SHANK2: variants seen among roughly 807,000 people sequenced by gnomAD.
SHANK2 encodes the protein SH3 and multiple ankyrin repeat domains protein 2.
SHANK2 carries 43 observed loss-of-function variants against 133.7 expected under a neutral mutation model. The observed-to-expected ratio is 0.32, with a 90% confidence interval of 0.25 to 0.41. SHANK2 has a LOEUF of 0.41. SHANK2 is among the 10% of genes least tolerant of loss of function. SHANK2 has a pLI of 1.00. For synonymous variants in SHANK2, 1,017 were observed against 952.8 expected (o/e 1.07, Z -1.24); for missense variants, 1,994 against 2,235.8 (o/e 0.89, Z 2.18).
chr11:70,533,006 C>A (rs746734490), intron 17 of SHANK2, among the ~76,000 whole-genome samples: 22 of 152,204 alleles, frequency 1.4e-4, no homozygotes, highest in Admixed American at 1.1e-3. Context: ...AAGCACCCCA[C>A]TTTGCATGAT....
chr11:70,851,335 G>A (rs1472865212), intron 11 of SHANK2, among the ~76,000 whole-genome samples: 2 of 152,186 alleles, frequency 1.3e-5, no homozygotes, highest in Admixed American at 6.5e-5. Context: ...TCACCTGGCT[G>A]TCCACAAAGA....
At chr11:70,748,750 T>C (rs1475792294) in intron 14 of SHANK2, among the ~76,000 whole-genome samples, 1 of 152,172 alleles carries the variant, frequency 6.6e-6, no homozygotes. Flanking sequence ...TGCATCTCCA[T>C]GTGAAATGCT....
At chr11:70,665,289 C>CA (rs1317654468) in intron 15 of SHANK2, among the ~76,000 whole-genome samples, 1 of 152,120 alleles carries the variant, frequency 6.6e-6, no homozygotes, top group Non-Finnish European at 1.5e-5. Context: ...TACAGGCACA[C>CA]ACCACCATGC....
rs142747571 is a variant in SHANK2, at chr11:70,646,820, TTTTA to T, written c.2061+13004_2061+13007del. 4.7e-3 allele frequency among the ~76,000 whole-genome samples: 662 copies of T among 140,128 alleles called. 7 individuals carry two copies. The highest frequency in any genetic ancestry group is 0.018 in the African/African-American group (620 of 34,270). 91.9% of individuals were successfully genotyped at this position (140,128 alleles called of 152,430 possible). ...CTCCAGTTATTAAAAGGAATCTAACTTTTATTTATTTTATTTATTTATTTATTTA... is the reference window on the plus strand; with the variant it reads ...CTCCAGTTATTAAAAGGAATCTAACTTTTATTTTATTTATTTATTTATTTA... On this transcript the variant is annotated intron_variant, in intron 17 of 25. Transcript: ENST00000601538.
intron 15 of SHANK2, 133 bp downstream of exon 15, chr11:70,698,555 C>T (rs577783481): frequency 1.0e-4 from 70 of 689,260 alleles, no homozygotes; most frequent in East Asian, 2.7e-4. Context: ...TTCCATAGTC[C>T]TAGCCCGGTA....
At chr11:70,583,090 G>A (rs556848776) in intron 17 of SHANK2, among the ~76,000 whole-genome samples, 2 of 152,276 alleles carry the variant, frequency 1.3e-5, no homozygotes, top group Admixed American at 6.5e-5. Flanking sequence ...AATCTGCATG[G>A]TGCCTGGCCC....
At chr11:71,073,310 C>T (rs945507525) in intron 9 of SHANK2, among the ~76,000 whole-genome samples, 38 of 151,706 alleles carry the variant, frequency 2.5e-4, no homozygotes, top group Non-Finnish European at 4.3e-4. Context: ...AGGCACATGC[C>T]ATCACACCCG....
intron 25 of SHANK2, among the ~76,000 whole-genome samples, chr11:70,484,168 C>T (rs560041849): frequency 1.4e-4 from 21 of 152,286 alleles, no homozygotes; most frequent in African/African-American, 5.1e-4. Context: ...TCACGGGAGC[C>T]AATGGGGCTC....
intron 11 of SHANK2, among the ~76,000 whole-genome samples, chr11:70,843,109 T>G (rs1948934891): frequency 6.6e-6 from 1 of 152,138 alleles, no homozygotes; most frequent in Non-Finnish European, 1.5e-5. Context: ...AGCCCAGAGC[T>G]GAGGCTGGAA....
At chr11:70,616,908 A>AG (rs375863381) in intron 17 of SHANK2, among the ~76,000 whole-genome samples, 31 of 152,152 alleles carry the variant, frequency 2.0e-4, no homozygotes, top group Admixed American at 5.9e-4. Context: ...TGCAGCAGCC[A>AG]GGGGCAGAGC....
At chr11:71,130,400 T>C (rs1290321614) in intron 3 of SHANK2, among the ~76,000 whole-genome samples, 25 of 152,234 alleles carry the variant, frequency 1.6e-4, no homozygotes, top group Non-Finnish European at 2.8e-4. Flanking sequence ...TTTACAGCAA[T>C]GTAGCAAGAA....
At chr11:71,113,263 CGT>C (rs1565458567) in intron 5 of SHANK2, 28 bp downstream of exon 5, 1 of 1,543,198 alleles carries the variant, frequency 6.5e-7, no homozygotes, top group Non-Finnish European at 8.8e-7. Context: ...GCCTGCCTAA[CGT>C]GTAAATAACA....
At chr11:70,915,719 G>A (rs568492264) in intron 10 of SHANK2, among the ~76,000 whole-genome samples, 28 of 152,326 alleles carry the variant, frequency 1.8e-4, no homozygotes, top group Admixed American at 1.3e-3. Flanking sequence ...CTCGCGGGAC[G>A]GACGGGATGA....
intron 3 of SHANK2, among the ~76,000 whole-genome samples, chr11:71,124,288 G>A (rs1273541018): frequency 2.3e-5 from 1 of 43,842 alleles, no homozygotes; most frequent in Non-Finnish European, 5.2e-5. Flanking sequence ...TGATGATGAT[G>A]GTGATGGTGA....
chr11:70,545,394 G>A (rs561879769), intron 17 of SHANK2, among the ~76,000 whole-genome samples: 1 of 152,304 alleles, frequency 6.6e-6, no homozygotes, highest in East Asian at 1.9e-4. Flanking sequence ...CCAGGGAGGG[G>A]CTGGCCAAGC....
intron 17 of SHANK2, among the ~76,000 whole-genome samples, chr11:70,507,302 G>A (rs2059148317): frequency 6.6e-6 from 1 of 152,192 alleles, no homozygotes. Flanking sequence ...TAGAATTTTG[G>A]GAAGGGACAG....
chr11:70,711,819 C>A (rs1565261060), intron 14 of SHANK2, among the ~76,000 whole-genome samples: 1 of 152,242 alleles, frequency 6.6e-6, no homozygotes, highest in African/African-American at 2.4e-5. Context: ...GATCATTCAT[C>A]AAGCACCTTC....
At chr11:70,574,676 C>G (rs1203342167) in intron 17 of SHANK2, among the ~76,000 whole-genome samples, 2 of 152,100 alleles carry the variant, frequency 1.3e-5, no homozygotes, top group East Asian at 3.9e-4. Flanking sequence ...GAAGGAGGGG[C>G]TGGCTCTGAT....
At chr11:70,877,939 A>G (rs1949595211) in intron 11 of SHANK2, among the ~76,000 whole-genome samples, 1 of 152,214 alleles carries the variant, frequency 6.6e-6, no homozygotes, top group Non-Finnish European at 1.5e-5. Context: ...CAGAAGCCAT[A>G]TTGGTTGGGT....
Sources: gnomAD v4.1 joint callset for allele counts (sites outside exome capture counted in the v4.1 genomes callset) on GRCh38, gnomAD v4.1.1 for gene constraint, MANE v1.5 for transcripts, NCBI Gene and HGNC (gene_info 2026-07-23, HGNC 2026-07-21) for gene names.